Variants in TMEM184B observed in about 807,000 individuals in gnomAD.
TMEM184B encodes the protein transmembrane protein 184B.
A neutral mutation model predicts 41.8 loss-of-function variants in TMEM184B; 17 were observed. The ratio of observed to expected loss-of-function variants is 0.41; its 90% CI spans 0.28 to 0.61. The LOEUF (loss-of-function observed/expected upper bound fraction) is 0.61. Among genes scored for constraint, TMEM184B ranks in the 20% least tolerant of loss-of-function variants. The pLI is 0.34. For missense variants in TMEM184B, 393 were observed against 557.8 expected, an observed-to-expected ratio of 0.70 and a Z score of 2.98; for synonymous variants, 240 against 229.5, an observed-to-expected ratio of 1.05 and a Z score of -0.41.
At position 38,226,788 on chromosome 22, in the gene TMEM184B, C is replaced by T; in HGVS notation, c.608G>A (p.Gly203Glu). 6.2e-7 allele frequency: 1 copy of T among 1,601,284 alleles called. No individual in the cohort carries two copies. Among genetic ancestry groups the T allele is most frequent in the Non-Finnish European group, 8.5e-7 (1 of 1,174,080 alleles). ...VLQAFGKYRD[G>E]DFDVTSGYLY... ...AGCACCCGCTGCTTACTCAAAGTCC[C>T]CATCCCGGTACTTGCCGAAGGCCTG... The change falls in exon 6 of 9, where the codon GGG (glycine) becomes GAG (glutamate). Residue 203 changes from glycine (G) to glutamate (E), a missense_variant. By Grantham distance (98) the Gly-to-Glu change is moderately conservative. Transcript: ENST00000361906. This position sits in a 1 kb window ranked among gnomAD's most constrained non-coding sequence, Gnocchi z 4.6.
intron 1 of TMEM184B, among the ~76,000 whole-genome samples, chr22:38,263,266 T>G (rs2092397003): frequency 6.6e-6 from 1 of 152,140 alleles, no homozygotes; most frequent in African/African-American, 2.4e-5. Context: ...ACATGGGATC[T>G]CCAGCAAACA....
At chr22:38,258,440 A>ACAGG (rs1188146028) in intron 1 of TMEM184B, among the ~76,000 whole-genome samples, 1 of 151,884 alleles carries the variant, frequency 6.6e-6, no homozygotes, top group Admixed American at 6.6e-5. Context: ...AGCTGGGATT[A>ACAGG]CAGGCATAAG....
Position 38,234,521 on chromosome 22 carries a change from G to C in TMEM184B, c.359-3187C>G, listed in dbSNP as rs2145618992. Among the ~76,000 whole-genome samples, 2 of 152,338 alleles carry C rather than the reference G, an allele frequency of 1.3e-5. 1 individual carries two copies. Among genetic ancestry groups the C allele is most frequent in the Middle Eastern group, 6.8e-3 (2 of 294 alleles). ...ATAATATCCATGAAGAAACTGGATG[G>C]TTGTTTTACACTAGTGTGTTTTGGC... On this transcript the variant is annotated intron_variant, in intron 3 of 8. Coordinates refer to ENST00000361906, the MANE Select transcript of TMEM184B (RefSeq NM_012264.5).
chr22:38,240,215 T>G lies in TMEM184B; in HGVS notation c.358+5720A>C, dbSNP rs181451461. Among the ~76,000 whole-genome samples, 45 of 151,144 alleles carry G rather than the reference T, an allele frequency of 3.0e-4. 1 individual carries two copies. The highest frequency in any genetic ancestry group is 2.9e-3 in the Admixed American group (44 of 15,192). Reference sequence around the variant, plus strand: ...AAAGGAATTCAAGAGATAGAGACAATGTAGGGAACAGAAGAAAACTGCAAT... The same window carrying G: ...AAAGGAATTCAAGAGATAGAGACAAGGTAGGGAACAGAAGAAAACTGCAAT... On this transcript the variant is annotated intron_variant, in intron 3 of 8. Transcript: ENST00000361906.
At position 38,247,847 on chromosome 22, in the gene TMEM184B, C is replaced by T. The variant is rs771223328; in HGVS notation, c.115G>A (p.Val39Met). Residue 39 changes from valine (V) to methionine (M), a missense_variant, in exon 2 of 9, where the codon GTG (valine) becomes ATG (methionine). Val to Met is a conservative substitution (Grantham distance 21). This residue lies in a region of TMEM184B where 122 missense variants were observed against 123.7 expected (regional missense o/e 0.99). Transcript: ENST00000361906. Reference sequence around the variant, plus strand: ...TGAGCGGCAGTTGTCATCAGGAACACAGGCTGCTCCATGGCAGTGGGGCTG... The same window carrying T: ...TGAGCGGCAGTTGTCATCAGGAACATAGGCTGCTCCATGGCAGTGGGGCTG... The part of the protein sequence containing the change: ...EGSPTAMEQP[V>M]FLMTTAAQAI... The T allele has an allele frequency of 4.3e-6, 7 of 1,613,820 alleles. No homozygotes were observed. In the Admixed American group the frequency reaches 1.0e-4, roughly 23 times the overall value.
intron 1 of TMEM184B, among the ~76,000 whole-genome samples, chr22:38,262,456 C>T (rs2092385387): frequency 6.6e-6 from 1 of 152,148 alleles, no homozygotes; most frequent in South Asian, 2.1e-4. Context: ...ACTATATGAG[C>T]AAAGGCACGG....
Position 38,226,756 on chromosome 22 carries a change from C to G in TMEM184B, c.617+23G>C, listed in dbSNP as rs369956678. Reference sequence around the variant, plus strand: ...CTGCGCCAACACTCCTCCCACACACCCCGGGGAGCACCCGCTGCTTACTCA... The same window carrying G: ...CTGCGCCAACACTCCTCCCACACACGCCGGGGAGCACCCGCTGCTTACTCA... On this transcript the variant is annotated intron_variant, in intron 6 of 8. Coordinates refer to ENST00000361906, the MANE Select transcript of TMEM184B (RefSeq NM_012264.5). This position sits in a 1 kb window ranked among gnomAD's most constrained non-coding sequence, Gnocchi z 4.6. 4.4e-6 allele frequency: 7 copies of G among 1,573,518 alleles called. No individual in the cohort carries two copies. The highest frequency in any genetic ancestry group is 6.0e-6 in the Non-Finnish European group (7 of 1,159,146).
chr22:38,272,759 C>T lies in TMEM184B; in HGVS notation c.-59+125G>A, dbSNP rs924497915. 6 of 985,192 alleles carry T rather than the reference C, an allele frequency of 6.1e-6. No homozygotes were observed. The African/African-American group carries it at 8.7e-5, about 14-fold the overall frequency. 61.0% of individuals were successfully genotyped at this position (985,192 alleles called of 1,614,324 possible). On this transcript the variant is annotated intron_variant, in intron 1 of 8. Coordinates refer to ENST00000361906, the MANE Select transcript of TMEM184B (RefSeq NM_012264.5). Reference sequence around the variant, plus strand: ...ACCGGCCTCCGTAGTGCCCTCCCCGCCCGGGAGCCGGCGGCCGAAGCCGGG... The same window carrying T: ...ACCGGCCTCCGTAGTGCCCTCCCCGTCCGGGAGCCGGCGGCCGAAGCCGGG...
At chr22:38,232,710 C>G (rs1270713368) in intron 3 of TMEM184B, among the ~76,000 whole-genome samples, 1 of 152,186 alleles carries the variant, frequency 6.6e-6, no homozygotes. Flanking sequence ...CTGGTGCCGC[C>G]CAGCTTGGCA....
At chr22:38,247,111 A>T (rs774785706) in intron 2 of TMEM184B, among the ~76,000 whole-genome samples, 1 of 152,188 alleles carries the variant, frequency 6.6e-6, no homozygotes, top group Non-Finnish European at 1.5e-5. Flanking sequence ...AAGTACAGGC[A>T]GACGGGAGAC....
rs2091262255 is a variant in TMEM184B at position 38,221,592 on chromosome 22, C to T, written c.1101G>A (p.Gln367=). 6 of 1,613,948 alleles carry T rather than the reference C, an allele frequency of 3.7e-6. No homozygotes were observed. In the African/African-American group the frequency reaches 5.3e-5, roughly 14 times the overall value. ...FSPAYQQYTQ[Q]STLEPGPTWR... ...AGGTGGGCCCAGGCTCCAGGGTGGACTGCTGCGTGTACTGCTGGTAGGCAG... is the reference window on the plus strand; with the variant it reads ...AGGTGGGCCCAGGCTCCAGGGTGGATTGCTGCGTGTACTGCTGGTAGGCAG... The change falls in exon 9 of 9, where the codon CAG becomes CAA. Residue 367 remains glutamine (Q), a synonymous_variant. Transcript: ENST00000361906.
At chr22:38,262,578 T>C (rs1481951597) in intron 1 of TMEM184B, among the ~76,000 whole-genome samples, 1 of 152,230 alleles carries the variant, frequency 6.6e-6, no homozygotes, top group African/African-American at 2.4e-5. Flanking sequence ...AAAGTGTATC[T>C]TTCTGTCAGT....
At chr22:38,242,051 G>A (rs571717112) in intron 3 of TMEM184B, among the ~76,000 whole-genome samples, 5 of 152,010 alleles carry the variant, frequency 3.3e-5, no homozygotes, top group African/African-American at 7.3e-5. Context: ...TGAAAGAGTT[G>A]AAAGTACAGT....
chr22:38,244,284 G>A (rs1376720498), intron 3 of TMEM184B, among the ~76,000 whole-genome samples: 1 of 152,058 alleles, frequency 6.6e-6, no homozygotes, highest in Non-Finnish European at 1.5e-5. Context: ...GTGCAGGCCT[G>A]GGGCAGCACC....
At chr22:38,264,648 TGAG>T (rs750092251) in intron 1 of TMEM184B, among the ~76,000 whole-genome samples, 14 of 152,040 alleles carry the variant, frequency 9.2e-5, no homozygotes, top group Non-Finnish European at 1.5e-4. Context: ...GCCAGGGAGT[TGAG>T]GAGATGGAGG....
chr22:38,226,729 G>T lies in TMEM184B; in HGVS notation c.617+50C>A. The T allele has an allele frequency of 6.5e-7, 1 of 1,537,178 alleles. No individual in the cohort carries two copies. Among genetic ancestry groups the T allele is most frequent in the Non-Finnish European group, 8.8e-7 (1 of 1,133,654 alleles). On this transcript the variant is annotated intron_variant, in intron 6 of 8. Transcript: ENST00000361906. This position sits in a 1 kb window ranked among gnomAD's most constrained non-coding sequence, Gnocchi z 4.6. ...CCCCCTTCCCTGAGCCAAGGCACCAGCCTGCGCCAACACTCCTCCCACACA... is the reference window on the plus strand; with the variant it reads ...CCCCCTTCCCTGAGCCAAGGCACCATCCTGCGCCAACACTCCTCCCACACA...
chr22:38,264,885 G>A lies in TMEM184B; in HGVS notation c.-59+7999C>T, dbSNP rs149476795. On this transcript the variant is annotated intron_variant, in intron 1 of 8. Coordinates refer to ENST00000361906, the MANE Select transcript of TMEM184B (RefSeq NM_012264.5). ...TCAACCTCATCTCCCAGCCCAAGCCGTGCTCCCACTGACTGAGACGGCCAG... is the reference window on the plus strand; with the variant it reads ...TCAACCTCATCTCCCAGCCCAAGCCATGCTCCCACTGACTGAGACGGCCAG... Among the ~76,000 whole-genome samples, 80 of 152,282 alleles carry A rather than the reference G, an allele frequency of 5.3e-4. No individual in the cohort carries two copies. In the East Asian group the frequency reaches 5.8e-3, roughly 11 times the overall value.
In TMEM184B at chr22:38,219,304, A is replaced by C. The variant is rs1325118046; in HGVS notation, c.*2165T>G. On this transcript the variant is annotated 3_prime_UTR_variant, in exon 9 of 9. Coordinates refer to ENST00000361906, the MANE Select transcript of TMEM184B (RefSeq NM_012264.5). ...CACCCACAGGCAGAGATTTCAATACAATCTATATTATCTCATATATAGATT... is the reference window on the plus strand; with the variant it reads ...CACCCACAGGCAGAGATTTCAATACCATCTATATTATCTCATATATAGATT... 6 of 985,672 alleles carry C rather than the reference A, an allele frequency of 6.1e-6. No homozygotes were observed. The highest frequency in any genetic ancestry group is 7.2e-6 in the Non-Finnish European group (6 of 829,914). 61.1% of individuals were successfully genotyped at this position (985,672 alleles called of 1,614,324 possible).
In TMEM184B at chr22:38,226,726, C is replaced by A; in HGVS notation, c.617+53G>T. ...CTGCCCCCTTCCCTGAGCCAAGGCA[C>A]CAGCCTGCGCCAACACTCCTCCCAC... On this transcript the variant is annotated intron_variant, in intron 6 of 8. Transcript: ENST00000361906. The surrounding 1 kb of genome is among the most constrained non-coding windows in gnomAD (Gnocchi z 4.6). The A allele has an allele frequency of 6.5e-7, 1 of 1,530,954 alleles. No individual in the cohort carries two copies. The highest frequency in any genetic ancestry group is 1.2e-5 in the South Asian group (1 of 83,552). 94.8% of individuals were successfully genotyped at this position (1,530,954 alleles called of 1,614,324 possible).
Sources: allele counts gnomAD v4.1 joint callset (sites outside exome capture counted in the v4.1 genomes callset), GRCh38; gene constraint gnomAD v4.1.1; regional missense constraint gnomAD v4.1.1; non-coding constraint Gnocchi (gnomAD v3.1); transcripts MANE v1.5; gene names NCBI Gene and HGNC (gene_info 2026-07-23, HGNC 2026-07-21).